TMEM150C: variants seen among roughly 807,000 people sequenced by gnomAD.
The protein encoded by TMEM150C is tentonin 3.
Under a neutral mutation model 29.9 loss-of-function variants are expected in TMEM150C, and 10 were observed. That is an observed-to-expected ratio of 0.33 (90% CI 0.21 to 0.57). The LOEUF is 0.57. Ranked by LOEUF, TMEM150C falls within the 20% of genes least tolerant of loss-of-function variation. TMEM150C has a pLI of 0.88. For missense variants in TMEM150C, 251 were observed against 303.6 expected, an observed-to-expected ratio of 0.83 and a Z score of 1.29; for synonymous variants, 101 against 112.5, an observed-to-expected ratio of 0.90 and a Z score of 0.64.
intron 5 of TMEM150C, among the ~76,000 whole-genome samples, chr4:82,502,449 A>G (rs1291348907): frequency 6.6e-6 from 1 of 152,222 alleles, no homozygotes; most frequent in African/African-American, 2.4e-5. Flanking sequence ...TTATATCATG[A>G]AATATATTAT....
chr4:82,520,811 T>A (rs1014763227), intron 1 of TMEM150C, among the ~76,000 whole-genome samples: 2 of 152,080 alleles, frequency 1.3e-5, no homozygotes, highest in Non-Finnish European at 2.9e-5. Context: ...AAACTGAGGA[T>A]ACAATAAGCA....
chr4:82,533,530 A>G (rs1490993863), intron 1 of TMEM150C, among the ~76,000 whole-genome samples: 1 of 152,200 alleles, frequency 6.6e-6, no homozygotes, highest in Non-Finnish European at 1.5e-5. Flanking sequence ...ATTTTTTTAC[A>G]TATCTACCGT....
chr4:82,537,773 G>A (rs1725058690), intron 1 of TMEM150C, among the ~76,000 whole-genome samples: 1 of 152,222 alleles, frequency 6.6e-6, no homozygotes, highest in Non-Finnish European at 1.5e-5. Flanking sequence ...CATGAAGACA[G>A]AGGCAGAGAT....
chr4:82,493,035 T>C (rs1196207854), intron 6 of TMEM150C, among the ~76,000 whole-genome samples: 2 of 151,170 alleles, frequency 1.3e-5, no homozygotes, highest in Admixed American at 1.3e-4. Flanking sequence ...TAATTGCACA[T>C]ATAAGAAAGT....
At chr4:82,507,748 T>C (rs1723985552) in intron 1 of TMEM150C, among the ~76,000 whole-genome samples, 2 of 115,458 alleles carry the variant, frequency 1.7e-5, no homozygotes, top group Non-Finnish European at 3.6e-5. Flanking sequence ...TTTTTTTTTT[T>C]TTTTTTTTTT....
chr4:82,516,943 C>G (rs907563034), intron 1 of TMEM150C, among the ~76,000 whole-genome samples: 1 of 152,166 alleles, frequency 6.6e-6, no homozygotes, highest in African/African-American at 2.4e-5. Context: ...TTCCTATGGC[C>G]AGAAGAACTA....
intron 1 of TMEM150C, among the ~76,000 whole-genome samples, chr4:82,541,621 G>T (rs888303518): frequency 8.5e-5 from 13 of 152,144 alleles, no homozygotes; most frequent in African/African-American, 3.1e-4. Context: ...GACTAAATCA[G>T]TGAGGAGCCC....
At chr4:82,499,620 G>A (rs369869501) in intron 5 of TMEM150C, among the ~76,000 whole-genome samples, 3 of 151,154 alleles carry the variant, frequency 2.0e-5, no homozygotes, top group East Asian at 1.9e-4. Flanking sequence ...CTGCTCGGGA[G>A]GCTGAGGCAG....
At chr4:82,535,975 A>C (rs2110085114) in intron 1 of TMEM150C, among the ~76,000 whole-genome samples, 1 of 152,218 alleles carries the variant, frequency 6.6e-6, no homozygotes, top group South Asian at 2.1e-4. Context: ...GACATTGTCA[A>C]ATGTCCCAGG....
At position 82,515,226 on chromosome 4, in the gene TMEM150C, G is replaced by A. The variant is rs76883572; in HGVS notation, c.-10-10559C>T. ...CAGCACAGGGAGGAATTAAGGCCAGGGAATGGGTTCCTCACTTAGCAGTGG... is the reference window on the plus strand; with the variant it reads ...CAGCACAGGGAGGAATTAAGGCCAGAGAATGGGTTCCTCACTTAGCAGTGG... On this transcript the variant is annotated intron_variant, in intron 1 of 7. Transcript: ENST00000449862. 3.9e-5 allele frequency among the ~76,000 whole-genome samples: 6 copies of A among 152,278 alleles called. No individual in the cohort carries two copies. In the East Asian group the frequency reaches 1.2e-3, roughly 29 times the overall value.
At chr4:82,546,959 G>GAAACAC (rs1725405021) in intron 1 of TMEM150C, among the ~76,000 whole-genome samples, 1 of 152,046 alleles carries the variant, frequency 6.6e-6, no homozygotes, top group Non-Finnish European at 1.5e-5. Context: ...GAAAACCTAG[G>GAAACAC]AAACACCATT....
intron 5 of TMEM150C, 65 bp downstream of exon 5, chr4:82,502,662 G>T: frequency 6.8e-7 from 1 of 1,473,318 alleles, no homozygotes; most frequent in Non-Finnish European, 9.3e-7. Context: ...ACAAGGGTTT[G>T]GGAGAATTTA....
intron 5 of TMEM150C, among the ~76,000 whole-genome samples, chr4:82,500,599 G>A (rs967037323): frequency 6.6e-6 from 1 of 152,204 alleles, no homozygotes; most frequent in African/African-American, 2.4e-5. Context: ...GGAAGGACTG[G>A]AGAATAAGAT....
At chr4:82,504,469 G>C in intron 2 of TMEM150C, 109 bp downstream of exon 2, 1 of 781,922 alleles carries the variant, frequency 1.3e-6, no homozygotes, top group Non-Finnish European at 2.1e-6. Context: ...CCAAAGTGCT[G>C]AGATTACAGG....
At chr4:82,557,047 C>T (rs1218159101) in intron 1 of TMEM150C, among the ~76,000 whole-genome samples, 3 of 152,124 alleles carry the variant, frequency 2.0e-5, no homozygotes, top group South Asian at 2.1e-4. Flanking sequence ...ATGCTGGGTG[C>T]GGGAGCATCA....
At chr4:82,520,805 T>A (rs960144670) in intron 1 of TMEM150C, among the ~76,000 whole-genome samples, 53 of 152,140 alleles carry the variant, frequency 3.5e-4, no homozygotes, top group Admixed American at 8.5e-4. Flanking sequence ...CCCAGGAAAC[T>A]GAGGATACAA....
chr4:82,492,236 C>T (rs1024378887), intron 6 of TMEM150C, among the ~76,000 whole-genome samples: 2 of 152,204 alleles, frequency 1.3e-5, no homozygotes, highest in African/African-American at 2.4e-5. Context: ...TCAAGCGATT[C>T]TCATGTCTCA....
At chr4:82,486,866 G>A (rs1039013302) in intron 7 of TMEM150C, among the ~76,000 whole-genome samples, 2 of 152,066 alleles carry the variant, frequency 1.3e-5, no homozygotes, top group Non-Finnish European at 2.9e-5. Context: ...GGAAGGAGGA[G>A]CTGGGAAGAA....
At chr4:82,549,679 CA>C (rs1725505177) in intron 1 of TMEM150C, among the ~76,000 whole-genome samples, 1 of 152,186 alleles carries the variant, frequency 6.6e-6, no homozygotes, top group East Asian at 1.9e-4. Flanking sequence ...AATCACTTAA[CA>C]AAGCTCTTTA....
Sources: allele counts gnomAD v4.1 joint callset (sites outside exome capture counted in the v4.1 genomes callset), GRCh38; gene constraint gnomAD v4.1.1; transcripts MANE v1.5; gene names NCBI Gene and HGNC (gene_info 2026-07-23, HGNC 2026-07-21).